Variants in MUC6 observed in about 807,000 individuals in gnomAD.
MUC6 encodes the protein mucin 6, oligomeric mucus/gel-forming (gene/pseudogene), also known as mucin-6.
A neutral mutation model predicts 201.5 loss-of-function variants in MUC6; 188 were observed. The observed-to-expected ratio is 0.93, with a 90% CI of 0.83 to 1.05. The LOEUF (loss-of-function observed/expected upper bound fraction) is 1.05. MUC6 is among the 50% of genes least tolerant of loss of function. The pLI, the probability that MUC6 is intolerant of heterozygous loss-of-function variation, is 0.00. For missense variants in MUC6, 2,706 were observed against 3,256.9 expected (o/e 0.83, Z 4.12); for synonymous variants, 1,228 against 1,389.4 (o/e 0.88, Z 2.58).
Position 1,031,058 on chromosome 11 carries a change from T to TGG in MUC6, c.575-4_575-3dup. 6.4e-7 allele frequency: 1 copy of TGG among 1,559,348 alleles called. No homozygotes were observed. Among genetic ancestry groups the TGG allele is most frequent in the Non-Finnish European group, 8.7e-7 (1 of 1,154,038 alleles). On this transcript the variant is annotated splice_region_variant and splice_polypyrimidine_tract_variant and intron_variant, in intron 5 of 32. Coordinates refer to ENST00000421673, the MANE Select transcript of MUC6 (RefSeq NM_005961.3). Reference sequence around the variant, plus strand: ...ACTTGTGGGGTTCCAGGAACTTGCCTGGGGTGCAGAATGGGGGTCAGCACC... The same window carrying TGG: ...ACTTGTGGGGTTCCAGGAACTTGCCTGGGGGGTGCAGAATGGGGGTCAGCACC...
In MUC6 at chr11:1,033,288, C is replaced by G; in HGVS notation, c.53-213G>C. The G allele has an allele frequency of 1.7e-6, 1 of 591,070 alleles. No individual in the cohort carries two copies. Among genetic ancestry groups the G allele is most frequent in the Admixed American group, 2.8e-5 (1 of 35,654 alleles). 36.6% of individuals were successfully genotyped at this position (591,070 alleles called of 1,614,324 possible). ...GAGCCCCAGCTTCCTTCCCTGCTCT[C>G]GTTCACTCCCTCGTTTGTCCACTCA... On this transcript the variant is annotated intron_variant, in intron 1 of 32. Coordinates refer to ENST00000421673, the MANE Select transcript of MUC6 (RefSeq NM_005961.3). This position sits in a 1 kb window ranked among gnomAD's most constrained non-coding sequence, Gnocchi z 5.6.
In MUC6 at chr11:1,016,354, G is replaced by A; in HGVS notation, c.6447C>T (p.His2149=). 9 of 1,611,768 alleles carry A rather than the reference G, an allele frequency of 5.6e-6. No homozygotes were observed. Among genetic ancestry groups the A allele is most frequent in the Non-Finnish European group, 6.8e-6 (8 of 1,178,902 alleles). ...STVSSYVPSS[H]SSPQTSSPSV... ...AAGGCGATGAAGTCTGGGGAGAGGA[G>A]TGGGAGGAGGGCACATAAGAAGAAA... is the stretch of plus-strand genomic sequence containing the variant. Residue 2149 remains histidine, a synonymous_variant, in exon 31 of 33, where the codon CAC becomes CAT. Transcript: ENST00000421673.
At chr11:1,031,137 C>A (rs1244011314) in intron 5 of MUC6, 32 bp downstream of exon 5, 39 of 1,269,854 alleles carry the variant, frequency 3.1e-5, no homozygotes, top group Non-Finnish European at 2.5e-5. Context: ...TAGAGGCCCC[C>A]CCAGAGGCCC....
rs556450903 is a variant in MUC6, at chr11:1,020,695, A to G, written c.3629T>C (p.Leu1210Pro). 3.3e-5 allele frequency: 53 copies of G among 1,613,396 alleles called. No individual in the cohort carries two copies. Among genetic ancestry groups the G allele is most frequent in the South Asian group, 1.4e-4 (13 of 91,084 alleles). The change falls in exon 28 of 33, where the codon CTG becomes CCG. Residue 1210 changes from leucine (L) to proline (P), a missense_variant. Coordinates refer to ENST00000421673, the MANE Select transcript of MUC6 (RefSeq NM_005961.3). Reference protein sequence around the residue: ...TTPQPPTTPQLPTTGSRPTQV... With the variant: ...TTPQPPTTPQPPTTGSRPTQV... ...GTGCGTGCAATTACCTGTGGTGGGC[A>G]GCTGCGGCGTGGTGGGTGGCTGCGG...
In MUC6 at chr11:1,026,400, CG is replaced by C; in HGVS notation, c.2472del (p.Glu825ArgfsTer87). ...YENADGQCVPPEECPCEFSGV... is the reference protein window; with the variant it reads ...YENADGQCVPXEECPCEFSGV... The stretch of plus-strand genomic sequence containing the variant: ...CCCGAGAACTCACATGGGCACTCCT[CG>C]GGGGGCACACACTGCCCGTCGGCAT... On this transcript the variant is annotated frameshift_variant, in exon 20 of 33. Coordinates refer to ENST00000421673, the MANE Select transcript of MUC6 (RefSeq NM_005961.3). LOFTEE classifies it high-confidence loss of function. 6.2e-7 allele frequency: 1 copy of C among 1,608,690 alleles called. No individual in the cohort carries two copies. The highest frequency in any genetic ancestry group is 8.5e-7 in the Non-Finnish European group (1 of 1,178,322).
In MUC6 at chr11:1,029,595, A is replaced by C; in HGVS notation, c.1036T>G (p.Ser346Ala). ...CPEGTVLNDL[S>A]NNHTCVPVTQ... ...ACGGGCACGCAGGTGTGGTTATTGG[A>C]GAGGTCATTCAGGACCGTACCTGCA... The change falls in exon 9 of 33, where the codon TCC (serine) becomes GCC (alanine). Residue 346 changes from serine to alanine, a missense_variant. By Grantham distance (99) the Ser-to-Ala change is moderately conservative (BLOSUM62 1). Around this residue, in one of 10 missense-constraint regions of MUC6, gnomAD observed 1,850 missense variants for 1,958.3 expected, o/e 0.94. Coordinates refer to ENST00000421673, the MANE Select transcript of MUC6 (RefSeq NM_005961.3). 2 of 1,602,866 alleles carry C rather than the reference A, an allele frequency of 1.2e-6. No homozygotes were observed. Among genetic ancestry groups the C allele is most frequent in the South Asian group, 2.2e-5 (2 of 89,894 alleles).
At chr11:1,036,020 C>T (rs1202236779) in intron 1 of MUC6, among the ~76,000 whole-genome samples, 4 of 152,092 alleles carry the variant, frequency 2.6e-5, no homozygotes, top group South Asian at 2.1e-4. Context: ...CTCCTGGATC[C>T]TGCCCGAGCT....
chr11:1,028,097 C>G (rs1159887725), intron 14 of MUC6, 38 bp from the exon 15 acceptor site: 1 of 1,550,870 alleles, frequency 6.4e-7, no homozygotes, highest in East Asian at 2.4e-5. Context: ...CCCGGCCCCT[C>G]CCATTCCAGC....
At chr11:1,024,613 T>C (rs1253544673) in intron 24 of MUC6, among the ~76,000 whole-genome samples, 1 of 152,180 alleles carries the variant, frequency 6.6e-6, no homozygotes, top group African/African-American at 2.4e-5. Flanking sequence ...GGGGGTGCTA[T>C]TGGCATCTGG....
At chr11:1,022,596 C>T (rs1406233246) in intron 26 of MUC6, among the ~76,000 whole-genome samples, 1 of 152,196 alleles carries the variant, frequency 6.6e-6, no homozygotes, top group Non-Finnish European at 1.5e-5. Flanking sequence ...GTGGGCGCCT[C>T]GGCCGACACT....
At chr11:1,015,724 G>A in intron 31 of MUC6, 38 bp downstream of exon 31, 1 of 1,517,900 alleles carries the variant, frequency 6.6e-7, no homozygotes, top group Non-Finnish European at 8.8e-7. Context: ...TGAGCACAGA[G>A]GTGAGGCCAG....
At chr11:1,031,571 G>C in intron 4 of MUC6, 36 bp downstream of exon 4, 1 of 1,539,312 alleles carries the variant, frequency 6.5e-7, no homozygotes, top group Non-Finnish European at 8.7e-7. Context: ...CCCGTGCTGC[G>C]GGTCTCCAGG....
In MUC6 at chr11:1,020,226, C is replaced by T. The variant is rs368028772; in HGVS notation, c.3672G>A (p.Thr1224=). The T allele has an allele frequency of 6.3e-5, 102 of 1,609,974 alleles. 1 individual carries two copies. The Middle Eastern group carries it at 8.8e-4, about 14-fold the overall frequency. The change falls in exon 29 of 33, where the codon ACG becomes ACA. Residue 1224 remains threonine, a synonymous_variant. Coordinates refer to ENST00000421673, the MANE Select transcript of MUC6 (RefSeq NM_005961.3). ...GAAGCCCGATGGTGGTGGAGGTTCC[C>T]GTCATGGGCCAGACTTGCGTGGGCC... ...GSRPTQVWPM[T]GTSTTIGLLS...
intron 14 of MUC6, 28 bp from the exon 15 acceptor site, chr11:1,028,087 C>G: frequency 6.4e-7 from 1 of 1,553,406 alleles, no homozygotes; most frequent in Non-Finnish European, 8.7e-7. Context: ...GGGCGTGAGT[C>G]CCGGCCCCTC....
intron 15 of MUC6, 73 bp from the exon 16 acceptor site, chr11:1,027,890 C>T: frequency 6.4e-7 from 1 of 1,572,110 alleles, no homozygotes; most frequent in South Asian, 1.2e-5. Context: ...CAAACCTATG[C>T]CCTTGGGTGC....
Position 1,035,081 on chromosome 11 carries a change from C to T in MUC6, c.52+1523G>A, listed in dbSNP as rs113558890. 3.2e-3 allele frequency among the ~76,000 whole-genome samples: 482 copies of T among 152,372 alleles called. 4 individuals carry two copies. Among genetic ancestry groups the T allele is most frequent in the African/African-American group, 0.011 (461 of 41,584 alleles). On this transcript the variant is annotated intron_variant, in intron 1 of 32. Transcript: ENST00000421673. Reference sequence around the variant, plus strand: ...GCAGGTGCGCACTGTTCCTTCTGCACGCTTGGCGGCCGCCCACCCCTGCCT... The same window carrying T: ...GCAGGTGCGCACTGTTCCTTCTGCATGCTTGGCGGCCGCCCACCCCTGCCT...
intron 30 of MUC6, among the ~76,000 whole-genome samples, 160 bp from the exon 31 acceptor site, chr11:1,018,930 C>T (rs1856746628): frequency 6.6e-6 from 1 of 152,156 alleles, no homozygotes. Flanking sequence ...CCCATTGTCT[C>T]CATCTCACCT....
At position 1,018,069 on chromosome 11, in the gene MUC6, G is replaced by T; in HGVS notation, c.4732C>A (p.Pro1578Thr). ...RPPPPFTTHS[P>T]PTGSSPFSST... ...GAGAAGGGACTGCTCCCTGTAGGTG[G>T]GGAGTGTGTGGTGAAGGGTGGTGGT... Residue 1578 changes from proline to threonine, a missense_variant, in exon 31 of 33, where the codon CCA (proline) becomes ACA (threonine). By Grantham distance (38) the Pro-to-Thr change is conservative. Coordinates refer to ENST00000421673, the MANE Select transcript of MUC6 (RefSeq NM_005961.3). The T allele has an allele frequency of 1.5e-6, 2 of 1,331,008 alleles. No individual in the cohort carries two copies. The highest frequency in any genetic ancestry group is 1.0e-6 in the Non-Finnish European group (1 of 984,470). 82.4% of individuals were successfully genotyped at this position (1,331,008 alleles called of 1,614,324 possible).
At chr11:1,026,561 G>C in intron 19 of MUC6, 83 bp from the exon 20 acceptor site, 1 of 1,389,722 alleles carries the variant, frequency 7.2e-7, no homozygotes, top group Non-Finnish European at 9.5e-7. Context: ...GAGACTGCCC[G>C]GCGTGTCTCC....
Sources: allele counts gnomAD v4.1 joint callset (sites outside exome capture counted in the v4.1 genomes callset), GRCh38; gene constraint gnomAD v4.1.1; regional missense constraint gnomAD v4.1.1; non-coding constraint Gnocchi (gnomAD v3.1); transcripts MANE v1.5; gene names NCBI Gene and HGNC (gene_info 2026-07-23, HGNC 2026-07-21).